Variants in PDE2A observed in about 807,000 individuals in gnomAD.
PDE2A encodes the protein phosphodiesterase 2A, also known as cGMP-dependent 3',5'-cyclic phosphodiesterase.
A neutral mutation model predicts 133.6 loss-of-function variants in PDE2A; 53 were observed. That is an observed-to-expected ratio of 0.40 (90% CI 0.32 to 0.50). The LOEUF is 0.50. Ranked by LOEUF, PDE2A falls within the 20% of genes least tolerant of loss-of-function variation. The probability of loss-of-function intolerance (pLI) is 0.73; values close to 1 mark genes in which losing one functional copy is unlikely to be tolerated. For missense variants in PDE2A, 796 were observed against 1,232.4 expected, an observed-to-expected ratio of 0.65 and a Z score of 5.30; for synonymous variants, 491 against 490.2, an observed-to-expected ratio of 1.00 and a Z score of -0.02.
At chr11:72,643,619 G>C (rs915868279) in intron 1 of PDE2A, 1 of 152,426 alleles carries the variant, frequency 6.6e-6, no homozygotes, top group African/African-American at 2.4e-5. Context: ...ACCAACTCTT[G>C]GACGGTGACT....
Position 72,578,126 on chromosome 11 carries a change from G to A in PDE2A, c.2615+107C>T, listed in dbSNP as rs184882578. 1.3e-6 allele frequency: 1 copy of A among 755,316 alleles called. No homozygotes were observed. Among genetic ancestry groups the A allele is most frequent in the Non-Finnish European group, 2.4e-6 (1 of 423,082 alleles). 46.8% of individuals were successfully genotyped at this position (755,316 alleles called of 1,614,324 possible). ...TGCCCAGAGGCAAGGGGATGAATCA[G>A]TTGGACCTGGGCCAGGCCAATCTCA... On this transcript the variant is annotated intron_variant, in intron 30 of 30. Transcript: ENST00000334456. The surrounding 1 kb of genome is among the most constrained non-coding windows in gnomAD (Gnocchi z 4.2).
rs575553058 is a variant in PDE2A, at chr11:72,631,238, C to T, written c.144+11016G>A. 3.1e-5 allele frequency: 28 copies of T among 904,170 alleles called. No homozygotes were observed. The African/African-American group carries it at 4.3e-4, about 14-fold the overall frequency. The allele number at this position is 904,170 out of a possible 1,614,324, so 56.0% of individuals were successfully genotyped here. A position where few individuals can be genotyped will look rare whatever the true frequency, so the allele number is the denominator to read the frequency against. ...AGCCCCCAGCAAGCCCACGGATGGC[C>T]CCCTCCTCCAGGGAGCCTTGCCTGC... On this transcript the variant is annotated intron_variant, in intron 2 of 30. Coordinates refer to ENST00000334456, the MANE Select transcript of PDE2A (RefSeq NM_002599.5).
chr11:72,608,760 G>A lies in PDE2A; in HGVS notation c.145-9C>T. On this transcript the variant is annotated splice_polypyrimidine_tract_variant and intron_variant, in intron 2 of 30. Coordinates refer to ENST00000334456, the MANE Select transcript of PDE2A (RefSeq NM_002599.5). The stretch of plus-strand genomic sequence containing the variant: ...AGACTCAGCAAGGCGTCCTGGAAGA[G>A]AGGAGAGGGCAGTGAGAGGCTTTGC... The A allele has an allele frequency of 6.7e-7, 1 of 1,501,514 alleles. No homozygotes were observed. Among genetic ancestry groups the A allele is most frequent in the Non-Finnish European group, 9.1e-7 (1 of 1,096,426 alleles). The allele number at this position is 1,501,514 out of a possible 1,614,324, so 93.0% of individuals were successfully genotyped here.
chr11:72,640,434 C>T (rs568151400), intron 2 of PDE2A, among the ~76,000 whole-genome samples: 8 of 151,936 alleles, frequency 5.3e-5, no homozygotes, highest in Admixed American at 6.5e-5. Flanking sequence ...CTCACACACT[C>T]ACACACTTGT....
At chr11:72,627,778 C>T (rs1332058917) in intron 2 of PDE2A, among the ~76,000 whole-genome samples, 1 of 152,236 alleles carries the variant, frequency 6.6e-6, no homozygotes, top group Admixed American at 6.5e-5. Flanking sequence ...CCAGCTAAGG[C>T]TCCCAAGCCG....
intron 2 of PDE2A, among the ~76,000 whole-genome samples, chr11:72,639,865 G>T (rs1248220133): frequency 6.6e-6 from 1 of 152,120 alleles, no homozygotes; most frequent in African/African-American, 2.4e-5. Flanking sequence ...GAACAGGATG[G>T]CAGCCAAGCC....
intron 1 of PDE2A, among the ~76,000 whole-genome samples, chr11:72,672,122 A>G (rs757856672): frequency 3.3e-5 from 5 of 151,158 alleles, no homozygotes; most frequent in Non-Finnish European, 5.9e-5. Context: ...TCTCTCTTCC[A>G]GTTCAACCCA....
chr11:72,617,640 G>A (rs1857539896), intron 2 of PDE2A, among the ~76,000 whole-genome samples: 1 of 152,196 alleles, frequency 6.6e-6, no homozygotes, highest in South Asian at 2.1e-4. Context: ...GTATGAGAAA[G>A]AGAGACAGGG....
intron 2 of PDE2A, among the ~76,000 whole-genome samples, chr11:72,612,702 T>G (rs1857268484): frequency 2.1e-5 from 2 of 94,158 alleles, no homozygotes; most frequent in Non-Finnish European, 4.1e-5. Context: ...GGGTGGATGG[T>G]GGGTGGATAG....
At chr11:72,653,739 C>T (rs1429632748) in intron 1 of PDE2A, among the ~76,000 whole-genome samples, 1 of 152,210 alleles carries the variant, frequency 6.6e-6, no homozygotes, top group East Asian at 1.9e-4. Context: ...AGTCCTGGGC[C>T]CCTGCTCCTT....
chr11:72,627,899 G>A (rs1858165809), intron 2 of PDE2A, among the ~76,000 whole-genome samples: 1 of 152,242 alleles, frequency 6.6e-6, no homozygotes, highest in Non-Finnish European at 1.5e-5. Flanking sequence ...TGATGCAGAG[G>A]CCTGGCCCTG....
At chr11:72,585,322 C>G (rs1453792705) in intron 16 of PDE2A, 49 bp downstream of exon 16, 1 of 1,515,974 alleles carries the variant, frequency 6.6e-7, no homozygotes, top group Non-Finnish European at 9.1e-7. Flanking sequence ...ATGATGGGGA[C>G]TGAAGGCCAC....
intron 1 of PDE2A, among the ~76,000 whole-genome samples, chr11:72,671,642 A>G (rs1210490102): frequency 2.6e-5 from 4 of 152,178 alleles, no homozygotes; most frequent in Admixed American, 6.5e-5. Context: ...TGCAGGGAGC[A>G]TAAAGACAAT....
chr11:72,584,704 C>A lies in PDE2A; in HGVS notation c.1384G>T (p.Asp462Tyr). ...DESYEIRIPA[D>Y]QGIAGHVATT... ...GCCACGTGTCCCGCGATGCCCTGAT[C>A]GGCCGGGATGCGGATCTCATAGCTC... Residue 462 changes from aspartate to tyrosine, a missense_variant, in exon 18 of 31, where the codon GAT becomes TAT. Coordinates refer to ENST00000334456, the MANE Select transcript of PDE2A (RefSeq NM_002599.5). 1 of 1,613,392 alleles carries A rather than the reference C, an allele frequency of 6.2e-7. No individual in the cohort carries two copies. The highest frequency in any genetic ancestry group is 8.5e-7 in the Non-Finnish European group (1 of 1,180,012).
At chr11:72,632,146 G>A (rs908615811) in intron 2 of PDE2A, among the ~76,000 whole-genome samples, 1 of 152,116 alleles carries the variant, frequency 6.6e-6, no homozygotes, top group African/African-American at 2.4e-5. Flanking sequence ...CATGGAGGAG[G>A]TTCTGGGTTC....
intron 3 of PDE2A, 40 bp downstream of exon 3, chr11:72,608,622 G>C: frequency 4.1e-6 from 4 of 983,350 alleles, no homozygotes; most frequent in Non-Finnish European, 6.4e-6. Flanking sequence ...AAAGGATTTG[G>C]GGGTGGGGTG....
chr11:72,578,816 G>C lies in PDE2A; in HGVS notation c.2469+81C>G, dbSNP rs1192568282. The C allele has an allele frequency of 1.2e-6, 1 of 832,564 alleles. No homozygotes were observed. The highest frequency in any genetic ancestry group is 2.1e-6 in the Non-Finnish European group (1 of 484,298). The allele number at this position is 832,564 out of a possible 1,614,324, so 51.6% of individuals were successfully genotyped here. A position where few individuals can be genotyped will look rare whatever the true frequency, so the allele number is the denominator to read the frequency against. On this transcript the variant is annotated intron_variant, in intron 28 of 30. Coordinates refer to ENST00000334456, the MANE Select transcript of PDE2A (RefSeq NM_002599.5). The surrounding 1 kb of genome is among the most constrained non-coding windows in gnomAD (Gnocchi z 4.2). ...ACACAGCCAGGCTGAGCTGAGCAGA[G>C]AGAGGGTATTCAGGCACAGGGGGCA...
chr11:72,662,953 T>C (rs1363165038), intron 1 of PDE2A, among the ~76,000 whole-genome samples: 4 of 152,170 alleles, frequency 2.6e-5, no homozygotes, highest in African/African-American at 4.8e-5. Context: ...GCCATGAACC[T>C]GCCACCCTTG....
At position 72,642,242 on chromosome 11, in the gene PDE2A, G is replaced by A; in HGVS notation, c.144+12C>T. On this transcript the variant is annotated intron_variant, in intron 2 of 30. Coordinates refer to ENST00000334456, the MANE Select transcript of PDE2A (RefSeq NM_002599.5). ...CCCGTTCTCCTGGTGCCCAGCGCGGGGGCCCCCCTACCTGCAGGCTGTCGG... is the reference window on the plus strand; with the variant it reads ...CCCGTTCTCCTGGTGCCCAGCGCGGAGGCCCCCCTACCTGCAGGCTGTCGG... 6.6e-7 allele frequency: 1 copy of A among 1,504,502 alleles called. No individual in the cohort carries two copies. The allele number at this position is 1,504,502 out of a possible 1,614,324, so 93.2% of individuals were successfully genotyped here. A position where few individuals can be genotyped will look rare whatever the true frequency, so the allele number is the denominator to read the frequency against.
Sources: gnomAD v4.1 joint callset for allele counts (sites outside exome capture counted in the v4.1 genomes callset) on GRCh38, gnomAD v4.1.1 for gene constraint, Gnocchi (gnomAD v3.1) non-coding constraint, MANE v1.5 for transcripts, NCBI Gene and HGNC (gene_info 2026-07-23, HGNC 2026-07-21) for gene names.